DENND2A: variants seen among roughly 807,000 people sequenced by gnomAD.
The protein encoded by DENND2A is DENN domain containing 2A.
A neutral mutation model predicts 105.3 loss-of-function variants in DENND2A; 53 were observed. The observed-to-expected ratio is 0.50, with a 90% CI of 0.40 to 0.63. The LOEUF (loss-of-function observed/expected upper bound fraction) is 0.63, where lower values mean the gene tolerates loss of function less well. DENND2A is among the 30% of genes least tolerant of loss of function. DENND2A has a pLI of 0.00. For missense variants in DENND2A, 1,138 were observed against 1,279.6 expected (o/e 0.89, Z 1.69); for synonymous variants, 522 against 508.4 (o/e 1.03, Z -0.36).
intron 11 of DENND2A, among the ~76,000 whole-genome samples, chr7:140,556,309 C>A (rs1797360451): frequency 6.6e-6 from 1 of 151,852 alleles, no homozygotes; most frequent in South Asian, 2.1e-4. Context: ...AGCCACTGCA[C>A]CCTGCCCAAT....
At position 140,607,827 on chromosome 7, in the gene DENND2A, G is replaced by A. The variant is rs1799749445; in HGVS notation, c.-247-2021C>T. On this transcript the variant is annotated intron_variant, in intron 1 of 19. Coordinates refer to ENST00000496613, the MANE Select transcript of DENND2A (RefSeq NM_015689.5). ...ACAAGAATCCAACCTTGTTCCATAT[G>A]AGCCAGCAGCTCTCTTCCAAGCTGG... Among the ~76,000 whole-genome samples the A allele has an allele frequency of 2.0e-5, 3 of 152,154 alleles. No homozygotes were observed. The South Asian group carries it at 6.2e-4, about 32-fold the overall frequency.
rs1448548708 is a variant in DENND2A at position 140,601,398 on chromosome 7, C to T, written c.995+5G>A. 2 of 1,573,820 alleles carry T rather than the reference C, an allele frequency of 1.3e-6. No homozygotes were observed. Among genetic ancestry groups the T allele is most frequent in the Non-Finnish European group, 1.7e-6 (2 of 1,159,602 alleles). On this transcript the variant is annotated splice_donor_5th_base_variant and intron_variant, in intron 3 of 19. Coordinates refer to ENST00000496613, the MANE Select transcript of DENND2A (RefSeq NM_015689.5). ...GACACTCTGCCTGGCCACACCGGCA[C>T]CTACCTGTGGTCTGCACTGGATTTC...
intron 3 of DENND2A, among the ~76,000 whole-genome samples, chr7:140,591,232 G>A (rs1300167338): frequency 2.6e-5 from 4 of 152,130 alleles, no homozygotes; most frequent in African/African-American, 9.7e-5. Context: ...GGGAGTCGGA[G>A]GATGCAGTGA....
intron 1 of DENND2A, among the ~76,000 whole-genome samples, chr7:140,636,239 C>T (rs1362649216): frequency 2.0e-5 from 3 of 152,122 alleles, no homozygotes; most frequent in Non-Finnish European, 2.9e-5. Flanking sequence ...GGTCACAGCC[C>T]GAAAGGCGCT....
rs747008356 is a variant in DENND2A at position 140,519,675 on chromosome 7, G to C, written c.2955C>G (p.Pro985=). ...TATTGACACCGCTGTGCTCTCCACT[G>C]GGGAGTGTTTCCAGATACTCTTGGG... ...VRAQEYLETL[P]SGEHSGVNKF... is the part of the protein sequence containing the mutation. Residue 985 remains proline (P), a synonymous_variant, in exon 19 of 20, where the codon CCC becomes CCG. Coordinates refer to ENST00000496613, the MANE Select transcript of DENND2A (RefSeq NM_015689.5). The C allele has an allele frequency of 6.2e-7, 1 of 1,613,988 alleles. No homozygotes were observed. Among genetic ancestry groups the C allele is most frequent in the Non-Finnish European group, 8.5e-7 (1 of 1,180,034 alleles).
intron 1 of DENND2A, among the ~76,000 whole-genome samples, chr7:140,612,216 G>A (rs994801933): frequency 6.6e-5 from 10 of 151,192 alleles, no homozygotes; most frequent in African/African-American, 2.4e-4. Flanking sequence ...ACTCCAGCCT[G>A]GATGACAGAG....
At chr7:140,537,789 C>A (rs188924639) in intron 14 of DENND2A, among the ~76,000 whole-genome samples, 279 of 152,302 alleles carry the variant, frequency 1.8e-3, no homozygotes, top group African/African-American at 6.4e-3. Flanking sequence ...TGGGCGTGAG[C>A]CACCATGCCC....
intron 3 of DENND2A, among the ~76,000 whole-genome samples, chr7:140,599,757 A>G (rs973968608): frequency 6.6e-6 from 1 of 152,134 alleles, no homozygotes; most frequent in Non-Finnish European, 1.5e-5. Flanking sequence ...TGAAGAGAAC[A>G]CAAGAAATTA....
chr7:140,580,961 A>G (rs1012448606), intron 5 of DENND2A, among the ~76,000 whole-genome samples: 6 of 151,680 alleles, frequency 4.0e-5, no homozygotes, highest in Admixed American at 6.6e-5. Flanking sequence ...TTTTAAAAAG[A>G]ACATATATTC....
rs942342577 is a variant in DENND2A at position 140,527,496 on chromosome 7, C to G, written c.2328-1G>C. The G allele has an allele frequency of 2.5e-6, 4 of 1,594,276 alleles. No individual in the cohort carries two copies. The highest frequency in any genetic ancestry group is 3.4e-6 in the Non-Finnish European group (4 of 1,168,028). ...CGCGTGGCAGCACTTGGACAGGATG[C>G]TGCAGCCGGGGAGAGAACAGGGAGA... On this transcript the variant is annotated splice_acceptor_variant, in intron 14 of 19. Transcript: ENST00000496613. LOFTEE classifies it high-confidence loss of function. The surrounding 1 kb of genome is among the most constrained non-coding windows in gnomAD (Gnocchi z 4.9).
intron 1 of DENND2A, among the ~76,000 whole-genome samples, chr7:140,611,937 AC>A (rs1163408850): frequency 1.3e-5 from 2 of 152,150 alleles, no homozygotes; most frequent in African/African-American, 4.8e-5. Context: ...ACTGAACTGT[AC>A]AGTTTAAGAT....
chr7:140,623,720 GAAA>G (rs34329204), intron 1 of DENND2A, among the ~76,000 whole-genome samples: 1 of 121,978 alleles, frequency 8.2e-6, no homozygotes, highest in Admixed American at 8.8e-5. Context: ...ACTCCGTCTA[GAAA>G]AAAAAAAAAA....
chr7:140,588,060 A>C (rs1798860731), intron 3 of DENND2A, among the ~76,000 whole-genome samples: 1 of 152,096 alleles, frequency 6.6e-6, no homozygotes. Flanking sequence ...ATAGGCATGC[A>C]CCACCATGCC....
Position 140,567,137 on chromosome 7 carries a change from C to G in DENND2A, c.1728G>C (p.Lys576Asn). The G allele has an allele frequency of 1.1e-5, 18 of 1,611,392 alleles. No homozygotes were observed. The highest frequency in any genetic ancestry group is 1.5e-5 in the Non-Finnish European group (18 of 1,178,912). ...CTGGCACGTAGGCAGCCCCGGCCTG[C>G]TTCTTGTGCAAAGACACAACCACAA... ...EYFVVVSLHKKQAGAAYVPEL... is the reference protein window; with the variant it reads ...EYFVVVSLHKNQAGAAYVPEL... Residue 576 changes from lysine to asparagine, a missense_variant, in exon 9 of 20, where the codon AAG becomes AAC. By Grantham distance (94) the Lys-to-Asn change is moderately conservative. Around this residue, in one of 2 missense-constraint regions of DENND2A, gnomAD observed 627 missense variants for 779.8 expected, o/e 0.80. Transcript: ENST00000496613.
At chr7:140,592,212 A>ATT (rs576837816) in intron 3 of DENND2A, among the ~76,000 whole-genome samples, 29 of 134,320 alleles carry the variant, frequency 2.2e-4, no homozygotes, top group South Asian at 4.9e-4. Context: ...GCTAATTTTT[A>ATT]TTTTTTTTTT....
At chr7:140,555,488 G>A in intron 12 of DENND2A, 148 bp downstream of exon 12, 2 of 694,090 alleles carry the variant, frequency 2.9e-6, no homozygotes, top group Non-Finnish European at 4.8e-6. Context: ...GAGAATAGAG[G>A]GGTGATGAGG....
At chr7:140,611,130 C>G (rs1402112902) in intron 1 of DENND2A, among the ~76,000 whole-genome samples, 1 of 152,194 alleles carries the variant, frequency 6.6e-6, no homozygotes, top group Non-Finnish European at 1.5e-5. Context: ...ACCGCCACTC[C>G]ACCTCCCAGG....
chr7:140,636,815 G>A (rs554789543), intron 1 of DENND2A, among the ~76,000 whole-genome samples: 4 of 150,448 alleles, frequency 2.7e-5, no homozygotes, highest in South Asian at 2.1e-4. Context: ...TCAGTCTCCC[G>A]AGTAGCTGGG....
intron 2 of DENND2A, among the ~76,000 whole-genome samples, chr7:140,603,051 G>T (rs958624906): frequency 1.3e-5 from 2 of 152,100 alleles, no homozygotes; most frequent in Non-Finnish European, 2.9e-5. Flanking sequence ...TTGGGAGGCC[G>T]AGGCGGGTGG....
Sources: allele counts gnomAD v4.1 joint callset (sites outside exome capture counted in the v4.1 genomes callset), GRCh38; gene constraint gnomAD v4.1.1; regional missense constraint gnomAD v4.1.1; non-coding constraint Gnocchi (gnomAD v3.1); transcripts MANE v1.5; gene names NCBI Gene and HGNC (gene_info 2026-07-23, HGNC 2026-07-21).